The following LNP1 variants were observed in gnomAD, a reference collection of about 807,000 sequenced individuals.
The protein encoded by LNP1 is leukemia NUP98 fusion partner 1.
Under a neutral mutation model 14.5 loss-of-function variants are expected in LNP1, and 12 were observed. The ratio of observed to expected loss-of-function variants is 0.83; its 90% confidence interval spans 0.53 to 1.34. The LOEUF (loss-of-function observed/expected upper bound fraction) is 1.34. Among genes scored for constraint, LNP1 ranks in the 40% most tolerant of loss-of-function variants. The pLI, the probability that LNP1 is intolerant of heterozygous loss-of-function variation, is 0.00. For synonymous variants in LNP1, 75 were observed against 71.4 expected (o/e 1.05, Z -0.26); for missense variants, 198 against 210.9 (o/e 0.94, Z 0.38).
At chr3:100,403,080 T>C (rs931191997) in intron 1 of LNP1, among the ~76,000 whole-genome samples, 1 of 152,248 alleles carries the variant, frequency 6.6e-6, no homozygotes, top group Non-Finnish European at 1.5e-5. Context: ...TTGATGGTAC[T>C]GTAGAGCCAA....
At chr3:100,445,757 T>G (rs551095863) in intron 2 of LNP1, among the ~76,000 whole-genome samples, 143 of 152,214 alleles carry the variant, frequency 9.4e-4, no homozygotes, top group Admixed American at 2.0e-3. Context: ...AAAGTCTCAG[T>G]ATACAAAATC....
In LNP1 at chr3:100,443,027, C is replaced by T. The variant is rs147288998; in HGVS notation, c.157-8692C>T. ...AATATTGGTCACATTACTCTGAAGT[C>T]CATACATCAGTAGGCAGGTATTAGT... On this transcript the variant is annotated intron_variant, in intron 2 of 3. Coordinates refer to ENST00000383693, the MANE Select transcript of LNP1 (RefSeq NM_001085451.2). Among the ~76,000 whole-genome samples, 101 of 152,234 alleles carry T rather than the reference C, an allele frequency of 6.6e-4. 2 individuals are homozygous for T. In the East Asian group the frequency reaches 0.016, roughly 24 times the overall value.
chr3:100,424,588 A>G (rs1707174636), intron 1 of LNP1, among the ~76,000 whole-genome samples: 1 of 152,214 alleles, frequency 6.6e-6, no homozygotes. Context: ...TACCACATAC[A>G]CAAACTCCAG....
At chr3:100,434,485 T>C (rs1428378675) in intron 2 of LNP1, among the ~76,000 whole-genome samples, 1 of 152,132 alleles carries the variant, frequency 6.6e-6, no homozygotes, top group South Asian at 2.1e-4. Context: ...AGCCTTGTAG[T>C]ATAGTTTGAA....
intron 1 of LNP1, among the ~76,000 whole-genome samples, chr3:100,409,612 T>A (rs1239248047): frequency 4.5e-4 from 66 of 147,916 alleles, no homozygotes; most frequent in African/African-American, 1.5e-3. Flanking sequence ...ATATATTTTT[T>A]TTTTTTTTGA....
Position 100,451,792 on chromosome 3 carries a change from G to A in LNP1, c.230G>A (p.Arg77Gln), listed in dbSNP as rs200658139. ...CATTCTCATGAGGACCAAGAATTTC[G>A]ATGCCGTAGCCACGTACGGGATTAC... ...RRHSHEDQEFRCRSHVRDYRK... is the reference protein window; with the variant it reads ...RRHSHEDQEFQCRSHVRDYRK... The change falls in exon 3 of 4, where the codon CGA becomes CAA. Residue 77 changes from arginine (R) to glutamine (Q), a missense_variant. By Grantham distance (43) the Arg-to-Gln change is conservative. Transcript: ENST00000383693. The A allele has an allele frequency of 8.1e-6, 13 of 1,613,778 alleles. No homozygotes were observed. The highest frequency in any genetic ancestry group is 1.6e-4 in the Middle Eastern group (1 of 6,076).
chr3:100,440,626 G>A (rs917737417), intron 2 of LNP1, among the ~76,000 whole-genome samples: 1 of 151,980 alleles, frequency 6.6e-6, no homozygotes, highest in African/African-American at 2.4e-5. Flanking sequence ...TAACCATTTG[G>A]TATTTCCCTT....
intron 2 of LNP1, among the ~76,000 whole-genome samples, chr3:100,434,800 A>T (rs1485985508): frequency 6.8e-6 from 1 of 146,722 alleles, no homozygotes; most frequent in Non-Finnish European, 1.5e-5. Context: ...AAGTGCTGTG[A>T]TTACAGGTGT....
At chr3:100,405,382 A>G (rs1292766091) in intron 1 of LNP1, among the ~76,000 whole-genome samples, 1 of 152,226 alleles carries the variant, frequency 6.6e-6, no homozygotes, top group African/African-American at 2.4e-5. Context: ...GATACTCAAT[A>G]AATAGTTTCT....
intron 2 of LNP1, among the ~76,000 whole-genome samples, chr3:100,433,292 C>T (rs1390107976): frequency 6.6e-6 from 1 of 152,182 alleles, no homozygotes; most frequent in East Asian, 1.9e-4. Context: ...TTGTTCAACT[C>T]CCACTTGTGG....
At chr3:100,445,246 G>A (rs1159402786) in intron 2 of LNP1, among the ~76,000 whole-genome samples, 1 of 152,180 alleles carries the variant, frequency 6.6e-6, no homozygotes, top group Non-Finnish European at 1.5e-5. Context: ...ACTCCAGCCT[G>A]GTAGACAGGG....
chr3:100,428,211 T>C (rs1707212083), intron 1 of LNP1, among the ~76,000 whole-genome samples: 1 of 152,130 alleles, frequency 6.6e-6, no homozygotes, highest in Admixed American at 6.6e-5. Flanking sequence ...CATACAAATC[T>C]CCCAGTCACA....
At chr3:100,450,113 G>T (rs1707424668) in intron 2 of LNP1, among the ~76,000 whole-genome samples, 2 of 146,936 alleles carry the variant, frequency 1.4e-5, no homozygotes, top group East Asian at 2.0e-4. Flanking sequence ...TTTTTGGTGG[G>T]AACGTAGCCA....
chr3:100,415,907 A>G (rs1173551276), intron 1 of LNP1, among the ~76,000 whole-genome samples: 1 of 152,182 alleles, frequency 6.6e-6, no homozygotes, highest in African/African-American at 2.4e-5. Context: ...TATCAACAAT[A>G]GTTTACTTGC....
At chr3:100,431,990 GTTTATATA>G (rs1707245910) in intron 2 of LNP1, among the ~76,000 whole-genome samples, 3 of 94,950 alleles carry the variant, frequency 3.2e-5, no homozygotes, top group African/African-American at 1.5e-4. Context: ...ATGAGACCTT[GTTTATATA>G]TATATATATA....
Position 100,446,341 on chromosome 3 carries a change from A to C in LNP1, c.157-5378A>C, listed in dbSNP as rs545447304. Among the ~76,000 whole-genome samples, 15 of 152,330 alleles carry C rather than the reference A, an allele frequency of 9.8e-5. No homozygotes were observed. The South Asian group carries it at 2.7e-3, about 27-fold the overall frequency. ...CTTTGACAAATCTGACAAAAACAAG[A>C]AATGGAGAAAGGATTCCCTATTTAA... On this transcript the variant is annotated intron_variant, in intron 2 of 3. Transcript: ENST00000383693.
intron 2 of LNP1, among the ~76,000 whole-genome samples, chr3:100,432,229 T>G (rs964144757): frequency 1.3e-5 from 2 of 151,708 alleles, no homozygotes; most frequent in African/African-American, 4.8e-5. Context: ...TTACATTAAG[T>G]ATTATATGCA....
intron 1 of LNP1, among the ~76,000 whole-genome samples, chr3:100,406,621 G>A (rs1326201148): frequency 6.6e-6 from 1 of 152,042 alleles, no homozygotes; most frequent in Non-Finnish European, 1.5e-5. Flanking sequence ...TGCAACCTCC[G>A]CCTCCCGGGT....
rs1309048754 is a variant in LNP1 at position 100,429,845 on chromosome 3, T to A, written c.116T>A (p.Leu39Gln). ...AGAGGACTCCGGGAACGCCACCGAC[T>A]GCAAGCCACCAGTCACAGGAAAACC... is the stretch of plus-strand genomic sequence containing the variant. ...DQRGLRERHR[L>Q]QATSHRKTSL... Residue 39 changes from leucine to glutamine, a missense_variant, in exon 2 of 4, where the codon CTG becomes CAG. Leu to Gln is a moderately radical substitution (Grantham distance 113, BLOSUM62 -2). Transcript: ENST00000383693. 6.8e-6 allele frequency: 11 copies of A among 1,613,876 alleles called. No individual in the cohort carries two copies. The highest frequency in any genetic ancestry group is 9.3e-6 in the Non-Finnish European group (11 of 1,179,904).
Sources: gnomAD v4.1 joint callset for allele counts (sites outside exome capture counted in the v4.1 genomes callset) on GRCh38, gnomAD v4.1.1 for gene constraint, MANE v1.5 for transcripts, NCBI Gene and HGNC (gene_info 2026-07-23, HGNC 2026-07-21) for gene names.